The following RNF220 variants were observed in gnomAD, a reference collection of about 807,000 sequenced individuals.
RNF220 encodes E3 ubiquitin-protein ligase RNF220.
In RNF220, 7 loss-of-function variants were observed where a neutral mutation model predicts 67.1. The observed-to-expected ratio is 0.10, with a 90% CI of 0.06 to 0.20. The LOEUF is 0.20. Among genes scored for constraint, RNF220 ranks in the 10% least tolerant of loss-of-function variants. The pLI is 1.00. For synonymous variants in RNF220, 270 were observed against 283.2 expected (o/e 0.95, Z 0.47); for missense variants, 565 against 740.3 (o/e 0.76, Z 2.75).
chr1:44,524,871 A>G (rs568593402), intron 2 of RNF220, among the ~76,000 whole-genome samples: 2 of 152,366 alleles, frequency 1.3e-5, no homozygotes, highest in East Asian at 3.9e-4. Flanking sequence ...TAAGAGCCCA[A>G]GGCTTATCGG....
chr1:44,564,130 A>C, intron 2 of RNF220, among the ~76,000 whole-genome samples: 1 of 152,146 alleles, frequency 6.6e-6, no homozygotes, highest in East Asian at 1.9e-4. Flanking sequence ...GAGTGGTGGG[A>C]GTAGGGGATG....
At chr1:44,499,719 C>T (rs566950630) in intron 2 of RNF220, among the ~76,000 whole-genome samples, 48 of 152,304 alleles carry the variant, frequency 3.2e-4, no homozygotes, top group African/African-American at 1.2e-3. Flanking sequence ...GACCTCTCCC[C>T]TGAACTACAA....
At chr1:44,423,835 T>C in intron 2 of RNF220, 9 of 985,330 alleles carry the variant, frequency 9.1e-6, no homozygotes, top group Non-Finnish European at 1.1e-5. Flanking sequence ...GGCTTGACTT[T>C]CGCGAGGGAG....
chr1:44,582,842 A>G (rs948325045), intron 2 of RNF220, among the ~76,000 whole-genome samples: 2 of 151,546 alleles, frequency 1.3e-5, no homozygotes, highest in African/African-American at 4.9e-5. Flanking sequence ...TGGCCAACAT[A>G]GTGAAACCCC....
chr1:44,578,424 C>T (rs1664989027), intron 2 of RNF220, among the ~76,000 whole-genome samples: 1 of 152,170 alleles, frequency 6.6e-6, no homozygotes, highest in South Asian at 2.1e-4. Context: ...GCATGAGCTA[C>T]CGCGCCTGGC....
At chr1:44,599,133 C>A (rs3754423) in intron 2 of RNF220, among the ~76,000 whole-genome samples, 2,018 of 152,272 alleles carry the variant, frequency 0.013, 82 homozygotes, top group Admixed American at 0.088. Context: ...AGCTCAGCAT[C>A]AGCTACTCTG....
At position 44,645,752 on chromosome 1, in the gene RNF220, C is replaced by T. The variant is rs540330770; in HGVS notation, c.1445+264C>T. 1.2e-4 allele frequency among the ~76,000 whole-genome samples: 18 copies of T among 152,364 alleles called. No homozygotes were observed. Among genetic ancestry groups the T allele is most frequent in the Admixed American group, 9.8e-4 (15 of 15,312 alleles). ...CTGCCTGCCTGCCCGCCTGCTGCGG[C>T]GGCCTTCGCCCGGGGAATGTGATGT... On this transcript the variant is annotated intron_variant, in intron 12 of 14. Coordinates refer to ENST00000361799, the MANE Select transcript of RNF220 (RefSeq NM_018150.4). The surrounding 1 kb of genome is among the most constrained non-coding windows in gnomAD (Gnocchi z 5.0).
chr1:44,511,574 C>A (rs1183595924), intron 2 of RNF220, among the ~76,000 whole-genome samples: 1 of 152,154 alleles, frequency 6.6e-6, no homozygotes, highest in Non-Finnish European at 1.5e-5. Context: ...GTGCAAAAAT[C>A]GTTCCTGATA....
intron 2 of RNF220, among the ~76,000 whole-genome samples, chr1:44,472,853 C>T (rs1654935265): frequency 6.6e-6 from 1 of 152,196 alleles, no homozygotes; most frequent in Non-Finnish European, 1.5e-5. Flanking sequence ...AGCAGGGTGA[C>T]GGGATGGGTG....
intron 1 of RNF220, among the ~76,000 whole-genome samples, chr1:44,408,549 C>T (rs1647636002): frequency 6.6e-6 from 1 of 152,248 alleles, no homozygotes; most frequent in South Asian, 2.1e-4. Context: ...CAACCCCCCA[C>T]TACTCTGCCT....
chr1:44,478,583 G>T (rs181336004), intron 2 of RNF220, among the ~76,000 whole-genome samples: 1 of 152,010 alleles, frequency 6.6e-6, no homozygotes, highest in African/African-American at 2.4e-5. Context: ...TTAGCTGGGC[G>T]TGGTGGCACA....
intron 1 of RNF220, among the ~76,000 whole-genome samples, chr1:44,406,615 G>T (rs1372142808): frequency 1.3e-5 from 2 of 152,232 alleles, no homozygotes; most frequent in African/African-American, 4.8e-5. Flanking sequence ...TTGTCAGCCC[G>T]GGCCGAGCGA....
intron 2 of RNF220, among the ~76,000 whole-genome samples, chr1:44,486,737 G>A (rs1156366105): frequency 1.3e-5 from 2 of 152,280 alleles, no homozygotes; most frequent in South Asian, 4.1e-4. Flanking sequence ...AGAGTGGGCT[G>A]GGAAGCTTGA....
intron 5 of RNF220, 196 bp from the exon 6 acceptor site, chr1:44,632,147 C>T (rs1362439409): frequency 4.5e-6 from 7 of 1,540,692 alleles, no homozygotes; most frequent in Admixed American, 2.0e-5. Context: ...GAGCAGCGCC[C>T]GGCGGCTATG....
At position 44,650,108 on chromosome 1, in the gene RNF220, AC is replaced by A; in HGVS notation, c.1629+156del. 1.3e-6 allele frequency: 1 copy of A among 796,294 alleles called. No homozygotes were observed. The allele number at this position is 796,294 out of a possible 1,614,324, so 49.3% of individuals were successfully genotyped here. A position where few individuals can be genotyped will look rare whatever the true frequency, so the allele number is the denominator to read the frequency against. On this transcript the variant is annotated intron_variant, in intron 14 of 14. Transcript: ENST00000361799. This position sits in a 1 kb window ranked among gnomAD's most constrained non-coding sequence, Gnocchi z 4.3. ...CAGGATATTTACCCGCAGGATATTT[AC>A]CCCCAGGCTCGCTGCCTCTCCTCCC...
chr1:44,462,988 C>T (rs1322383773), intron 2 of RNF220, among the ~76,000 whole-genome samples: 2 of 150,412 alleles, frequency 1.3e-5, no homozygotes, highest in Non-Finnish European at 2.9e-5. Context: ...GATTGTGCCA[C>T]TACACTCCAC....
intron 2 of RNF220, among the ~76,000 whole-genome samples, chr1:44,484,234 C>T (rs1656081800): frequency 6.6e-6 from 1 of 151,938 alleles, no homozygotes; most frequent in Non-Finnish European, 1.5e-5. Context: ...CTGCTGGATG[C>T]TGTAACTGGC....
chr1:44,418,288 G>T (rs760587788), intron 2 of RNF220, among the ~76,000 whole-genome samples: 2 of 152,206 alleles, frequency 1.3e-5, no homozygotes, highest in Non-Finnish European at 1.5e-5. Flanking sequence ...AGCAGGGCGC[G>T]TGGAGGAGGG....
intron 2 of RNF220, among the ~76,000 whole-genome samples, chr1:44,416,047 G>C (rs1648501660): frequency 6.6e-6 from 1 of 152,222 alleles, no homozygotes; most frequent in Non-Finnish European, 1.5e-5. Flanking sequence ...ATTCTGGTTT[G>C]CTTGCCTGTC....
Sources: allele counts gnomAD v4.1 joint callset (sites outside exome capture counted in the v4.1 genomes callset), GRCh38; gene constraint gnomAD v4.1.1; non-coding constraint Gnocchi (gnomAD v3.1); transcripts MANE v1.5; gene names NCBI Gene and HGNC (gene_info 2026-07-23, HGNC 2026-07-21).